The following KLF12 variants were observed in gnomAD, a reference collection of about 807,000 sequenced individuals.
KLF12 encodes Krueppel-like factor 12.
KLF12 carries 9 observed loss-of-function variants against 37.8 expected under a neutral mutation model. The ratio of observed to expected loss-of-function variants is 0.24; its 90% CI spans 0.14 to 0.42. The LOEUF (loss-of-function observed/expected upper bound fraction) is 0.42, where lower values mean the gene tolerates loss of function less well. Among genes scored for constraint, KLF12 ranks in the 10% least tolerant of loss-of-function variants. KLF12 has a pLI of 1.00. For synonymous variants in KLF12, 208 were observed against 202.1 expected (o/e 1.03, Z -0.25); for missense variants, 411 against 516.0 (o/e 0.80, Z 1.97).
chr13:74,218,527 T>C, the KLF12 span, among the ~76,000 whole-genome samples: 1 of 152,194 alleles, frequency 6.6e-6, no homozygotes, highest in Admixed American at 6.5e-5. Context: ...ATGGTTTGAG[T>C]TGATTTTTCC....
At chr13:74,256,326 C>T in the KLF12 span, among the ~76,000 whole-genome samples, 3 of 152,028 alleles carry the variant, frequency 2.0e-5, no homozygotes, top group Admixed American at 1.3e-4. Flanking sequence ...ATAAAGACAA[C>T]TGAATTCCAG....
intron 2 of KLF12, among the ~76,000 whole-genome samples, chr13:73,946,937 T>C (rs1387913988): frequency 1.3e-5 from 2 of 152,216 alleles, no homozygotes; most frequent in African/African-American, 2.4e-5. Context: ...ATACAGTCCT[T>C]GAAGCAAAAT....
chr13:74,091,410 T>C (rs1875650704), intron 1 of KLF12, among the ~76,000 whole-genome samples: 1 of 152,234 alleles, frequency 6.6e-6, no homozygotes, highest in Non-Finnish European at 1.5e-5. Flanking sequence ...TAGAATGTTA[T>C]ACAGTTGGAA....
intron 3 of KLF12, among the ~76,000 whole-genome samples, chr13:73,938,755 T>TA (rs965469669): frequency 6.6e-6 from 1 of 152,222 alleles, no homozygotes; most frequent in Non-Finnish European, 1.5e-5. Context: ...GGGAAAAGAC[T>TA]GAGTCTCCCT....
the KLF12 span, among the ~76,000 whole-genome samples, chr13:74,235,265 A>C: frequency 6.6e-6 from 1 of 152,194 alleles, no homozygotes; most frequent in African/African-American, 2.4e-5. Context: ...TGCAGGTGCT[A>C]TTTGTAGTAG....
At chr13:74,283,477 C>A in the KLF12 span, among the ~76,000 whole-genome samples, 1 of 152,176 alleles carries the variant, frequency 6.6e-6, no homozygotes, top group South Asian at 2.1e-4. Flanking sequence ...AAAATCAATT[C>A]ATCTAGACAG....
chr13:74,041,447 T>C (rs1195987151), intron 1 of KLF12, among the ~76,000 whole-genome samples: 2 of 152,174 alleles, frequency 1.3e-5, no homozygotes, highest in Non-Finnish European at 2.9e-5. Flanking sequence ...TAATAAATAT[T>C]TATCAAATGA....
intron 3 of KLF12, among the ~76,000 whole-genome samples, chr13:73,856,233 G>A (rs947910786): frequency 3.3e-5 from 5 of 152,202 alleles, no homozygotes; most frequent in Non-Finnish European, 5.9e-5. Context: ...GGCCATGCCC[G>A]CCAGCCACAG....
At chr13:73,833,216 G>T (rs1289016007) in intron 4 of KLF12, among the ~76,000 whole-genome samples, 1 of 152,170 alleles carries the variant, frequency 6.6e-6, no homozygotes, top group East Asian at 1.9e-4. Context: ...TATTTTACCT[G>T]AGAGTAAAAG....
intron 6 of KLF12, among the ~76,000 whole-genome samples, chr13:73,728,523 G>T (rs1399664206): frequency 6.6e-6 from 1 of 152,204 alleles, no homozygotes; most frequent in Non-Finnish European, 1.5e-5. Context: ...TTAGGGTTAG[G>T]TGCTCAGTCT....
chr13:74,124,932 G>T (rs746872402), intron 1 of KLF12, among the ~76,000 whole-genome samples: 9 of 152,116 alleles, frequency 5.9e-5, no homozygotes, highest in Non-Finnish European at 1.2e-4. Flanking sequence ...GATCACTTGA[G>T]GTCAGGAGTT....
At chr13:73,780,543 G>C (rs1453517686) in intron 5 of KLF12, among the ~76,000 whole-genome samples, 2 of 151,438 alleles carry the variant, frequency 1.3e-5, no homozygotes, top group East Asian at 3.9e-4. Context: ...GCAATGGTGC[G>C]ATCTTGGCTC....
intron 2 of KLF12, among the ~76,000 whole-genome samples, chr13:73,968,756 CAT>C (rs1267554912): frequency 6.6e-6 from 1 of 152,172 alleles, no homozygotes; most frequent in Non-Finnish European, 1.5e-5. Flanking sequence ...GTCCCTAACA[CAT>C]GATTTGTCTA....
chr13:74,129,077 C>T (rs1188834211), intron 1 of KLF12, among the ~76,000 whole-genome samples: 1 of 152,102 alleles, frequency 6.6e-6, no homozygotes, highest in Admixed American at 6.5e-5. Context: ...GGAGGGTTGA[C>T]TCCAGGATCC....
chr13:73,859,311 A>C (rs1374501741), intron 3 of KLF12, among the ~76,000 whole-genome samples: 1 of 152,166 alleles, frequency 6.6e-6, no homozygotes, highest in Non-Finnish European at 1.5e-5. Context: ...TTTACAAGTG[A>C]AGAAATTCGG....
chr13:74,245,295 A>ATCTG, the KLF12 span, among the ~76,000 whole-genome samples: 11 of 50,116 alleles, frequency 2.2e-4, no homozygotes, highest in East Asian at 4.6e-3. Flanking sequence ...AGATAAGTTT[A>ATCTG]TCTATCTATC....
At chr13:73,977,957 T>C (rs1427630053) in intron 2 of KLF12, among the ~76,000 whole-genome samples, 3 of 152,214 alleles carry the variant, frequency 2.0e-5, no homozygotes, top group Non-Finnish European at 4.4e-5. Flanking sequence ...TATACCCTTT[T>C]ATACAAATTA....
chr13:73,920,808 G>C (rs72628050), intron 3 of KLF12, among the ~76,000 whole-genome samples: 34,687 of 151,866 alleles, frequency 0.23, 4,766 homozygotes, highest in East Asian at 0.57. Flanking sequence ...TCTTTGACTT[G>C]CTGAGTATTT....
intron 4 of KLF12, among the ~76,000 whole-genome samples, chr13:73,828,288 T>C (rs559515078): frequency 5.3e-5 from 8 of 152,322 alleles, no homozygotes; most frequent in Admixed American, 3.3e-4. Context: ...TAGATGTGAG[T>C]TGATTTTTAC....
Sources: gnomAD v4.1 joint callset for allele counts (sites outside exome capture counted in the v4.1 genomes callset) on GRCh38, gnomAD v4.1.1 for gene constraint, MANE v1.5 for transcripts, NCBI Gene and HGNC (gene_info 2026-07-23, HGNC 2026-07-21) for gene names.